The following TMCO1 variants were observed in gnomAD, a reference collection of about 807,000 sequenced individuals.
TMCO1 encodes the protein transmembrane and coiled-coil domains 1.
In TMCO1, 29 loss-of-function variants were observed where a neutral mutation model predicts 29.3. The ratio of observed to expected loss-of-function variants is 0.99; its 90% CI spans 0.74 to 1.35. The LOEUF (loss-of-function observed/expected upper bound fraction) is 1.35, where lower values mean the gene tolerates loss of function less well. Among genes scored for constraint, TMCO1 ranks in the 40% most tolerant of loss-of-function variants. TMCO1 has a pLI of 0.00. For missense variants in TMCO1, 173 were observed against 225.5 expected (o/e 0.77, Z 1.49); for synonymous variants, 80 against 77.1 (o/e 1.04, Z -0.20).
downstream of TMCO1, chr1:165,726,767 A>G (rs549249281): frequency 9.3e-5 from 42 of 453,806 alleles, no homozygotes; most frequent in South Asian, 5.1e-4. Context: ...TCCTTGGAAT[A>G]TAACCTTTAA....
Position 165,728,122 on chromosome 1 carries a change from C to T in TMCO1, c.469-1G>A. ...CAAGGCCGAGAATCTTCTGAATGTT[C>T]TGTGAAGAAAGCACAGTAAGGATTG... On this transcript the variant is annotated splice_acceptor_variant, in intron 6 of 6. Coordinates refer to ENST00000367881, the MANE Select transcript of TMCO1 (RefSeq NM_019026.6). LOFTEE classifies it high-confidence loss of function. The T allele has an allele frequency of 6.2e-7, 1 of 1,606,392 alleles. No individual in the cohort carries two copies.
At chr1:165,741,148 A>G (rs1482527260) in intron 6 of TMCO1, among the ~76,000 whole-genome samples, 1 of 152,178 alleles carries the variant, frequency 6.6e-6, no homozygotes, top group Non-Finnish European at 1.5e-5. Flanking sequence ...TCTTAGTGAA[A>G]CTAGTCCCCA....
At position 165,743,172 on chromosome 1, in the gene TMCO1, G is replaced by A. The variant is rs765379963; in HGVS notation, c.463C>T (p.Arg155Ter). The change falls in exon 6 of 7, where the codon CGA becomes TGA. Residue 155 changes from arginine to a stop codon, truncating the protein, a stop_gained. Transcript: ENST00000367881. LOFTEE classifies it high-confidence loss of function. The part of the protein sequence containing the change: ...FLYILCTMSI[R>*]QNIQKILGLA... ...TGGTAGATGTGATCACTCACCTGTCGAATCGACATAGTACAGAGAATATAC... is the reference window on the plus strand; with the variant it reads ...TGGTAGATGTGATCACTCACCTGTCAAATCGACATAGTACAGAGAATATAC... 17 of 1,613,882 alleles carry A rather than the reference G, an allele frequency of 1.1e-5. No homozygotes were observed. Among genetic ancestry groups the A allele is most frequent in the African/African-American group, 2.7e-5 (2 of 74,890 alleles).
chr1:165,737,141 G>A (rs1173835745), intron 6 of TMCO1, among the ~76,000 whole-genome samples: 1 of 152,058 alleles, frequency 6.6e-6, no homozygotes, highest in African/African-American at 2.4e-5. Context: ...AATAATTATG[G>A]ACATAAAATA....
chr1:165,753,907 C>T (rs1652091581), intron 4 of TMCO1, among the ~76,000 whole-genome samples: 1 of 152,102 alleles, frequency 6.6e-6, no homozygotes. Context: ...ACCATAAAAC[C>T]AAAGATTCAG....
intron 6 of TMCO1, among the ~76,000 whole-genome samples, chr1:165,736,362 C>T (rs903027369): frequency 3.3e-5 from 5 of 152,222 alleles, no homozygotes; most frequent in Admixed American, 6.5e-5. Context: ...CTATCGTTTA[C>T]ATTATCCAGG....
intron 3 of TMCO1, among the ~76,000 whole-genome samples, chr1:165,757,401 A>T (rs1652231895): frequency 1.3e-5 from 2 of 152,258 alleles, no homozygotes; most frequent in Non-Finnish European, 2.9e-5. Context: ...TAAAATGTAC[A>T]AATCTAGAGA....
At chr1:165,725,018 CTCTCTCTATATATA>C (rs768410032), downstream of TMCO1, 645 of 138,100 alleles carry the variant, frequency 4.7e-3, 2 homozygotes, top group African/African-American at 0.021. Flanking sequence ...CTCTCTCTCT[CTCTCTCTATATATA>C]TATATATATA....
At chr1:165,725,808 A>C, downstream of TMCO1, 1 of 463,744 alleles carries the variant, frequency 2.2e-6, no homozygotes, top group South Asian at 1.6e-5. Flanking sequence ...TTTCCTCTGT[A>C]ATATATCTTT....
chr1:165,732,804 A>G (rs1651222667), intron 6 of TMCO1, among the ~76,000 whole-genome samples: 1 of 152,182 alleles, frequency 6.6e-6, no homozygotes, highest in African/African-American at 2.4e-5. Flanking sequence ...AGGGAATATA[A>G]AGTATTTAAG....
intron 2 of TMCO1, among the ~76,000 whole-genome samples, chr1:165,762,776 G>A (rs561988477): frequency 5.9e-5 from 9 of 152,168 alleles, no homozygotes; most frequent in South Asian, 4.2e-4. Flanking sequence ...CTATTTTACC[G>A]TAAACAACAG....
chr1:165,732,877 T>C (rs1338921404), intron 6 of TMCO1, among the ~76,000 whole-genome samples: 1 of 152,164 alleles, frequency 6.6e-6, no homozygotes, highest in Non-Finnish European at 1.5e-5. Context: ...TATCTTGCCT[T>C]CCCCAACTTT....
intron 6 of TMCO1, among the ~76,000 whole-genome samples, chr1:165,739,851 C>T (rs1406428713): frequency 1.3e-5 from 2 of 152,004 alleles, no homozygotes; most frequent in African/African-American, 4.8e-5. Context: ...TGGCTCACGC[C>T]TGTAATCCCA....
chr1:165,762,673 T>A (rs1652438177), intron 2 of TMCO1, among the ~76,000 whole-genome samples: 1 of 152,224 alleles, frequency 6.6e-6, no homozygotes, highest in Admixed American at 6.5e-5. Context: ...AGATGTCTAC[T>A]ATGAAACACA....
chr1:165,734,054 T>C (rs544142730), intron 6 of TMCO1, among the ~76,000 whole-genome samples: 1 of 152,372 alleles, frequency 6.6e-6, no homozygotes, highest in African/African-American at 2.4e-5. Flanking sequence ...CAGTTCACTC[T>C]GTTAGTTTCT....
At chr1:165,752,248 TGTCA>T in intron 4 of TMCO1, 79 bp from the exon 5 acceptor site, 1 of 1,052,082 alleles carries the variant, frequency 9.5e-7, no homozygotes, top group Non-Finnish European at 1.4e-6. Flanking sequence ...TTTGGTTTCA[TGTCA>T]TTTTTTTTTT....
rs982257250 is a variant in TMCO1 at position 165,764,193 on chromosome 1, G to C, written c.148+3999C>G. On this transcript the variant is annotated intron_variant, in intron 2 of 6. Transcript: ENST00000367881. ...GGATGCCATTGCATGCTGCCAACTA[G>C]CATAGGATCATAGCAGAACAATTTT... is the stretch of plus-strand genomic sequence containing the variant. 5.9e-5 allele frequency among the ~76,000 whole-genome samples: 9 copies of C among 152,334 alleles called. No homozygotes were observed. In the South Asian group the frequency reaches 1.0e-3, roughly 18 times the overall value.
At chr1:165,725,611 T>C (rs1415586679), downstream of TMCO1, 1 of 454,088 alleles carries the variant, frequency 2.2e-6, no homozygotes, top group Non-Finnish European at 4.4e-6. Flanking sequence ...AAATTATGTG[T>C]TATGAGAGAT....
At chr1:165,748,471 A>G (rs957443182) in intron 5 of TMCO1, among the ~76,000 whole-genome samples, 7 of 152,234 alleles carry the variant, frequency 4.6e-5, no homozygotes, top group African/African-American at 1.4e-4. Flanking sequence ...GACAGAAAAC[A>G]GGGGCTGTTA....
Sources: allele counts gnomAD v4.1 joint callset (sites outside exome capture counted in the v4.1 genomes callset), GRCh38; gene constraint gnomAD v4.1.1; transcripts MANE v1.5; gene names NCBI Gene and HGNC (gene_info 2026-07-23, HGNC 2026-07-21).